Variants in RGS21 observed in about 807,000 individuals in gnomAD.
RGS21 encodes the protein regulator of G-protein signalling 21.
In RGS21, 19 loss-of-function variants were observed where a neutral mutation model predicts 18.7. The observed-to-expected ratio is 1.01, with a 90% CI of 0.71 to 1.49. The LOEUF is 1.49. Among genes scored for constraint, RGS21 ranks in the 40% most tolerant of loss-of-function variants. RGS21 has a pLI of 0.00. For missense variants in RGS21, 194 were observed against 176.8 expected (o/e 1.10, Z -0.55); for synonymous variants, 56 against 57.8 (o/e 0.97, Z 0.14).
At chr1:192,324,469 A>G (rs1571448052) in intron 1 of RGS21, among the ~76,000 whole-genome samples, 1 of 152,086 alleles carries the variant, frequency 6.6e-6, no homozygotes, top group Admixed American at 6.6e-5. Context: ...CAAGCATATG[A>G]CTTCTTGTTC....
intron 1 of RGS21, among the ~76,000 whole-genome samples, chr1:192,320,809 A>G (rs570455828): frequency 2.8e-4 from 43 of 152,170 alleles, no homozygotes; most frequent in Admixed American, 7.2e-4. Context: ...AAATATTTTT[A>G]TATTTTTTCA....
Position 192,356,137 on chromosome 1 carries a change from A to G in RGS21, c.255+3924A>G, listed in dbSNP as rs112030208. Among the ~76,000 whole-genome samples, 75 of 151,952 alleles carry G rather than the reference A, an allele frequency of 4.9e-4. 2 individuals are homozygous for G. The highest frequency in any genetic ancestry group is 1.8e-3 in the African/African-American group (73 of 41,544). Reference sequence around the variant, plus strand: ...AAATTATAGTCATAAACGAGAGTACATCTTCACGGGTCCGTGCAGGACATT... The same window carrying G: ...AAATTATAGTCATAAACGAGAGTACGTCTTCACGGGTCCGTGCAGGACATT... On this transcript the variant is annotated intron_variant, in intron 4 of 4. Transcript: ENST00000417209.
At chr1:192,356,994 T>C (rs1476799363) in intron 4 of RGS21, among the ~76,000 whole-genome samples, 2 of 151,796 alleles carry the variant, frequency 1.3e-5, no homozygotes, top group Admixed American at 1.3e-4. Flanking sequence ...TCATGGTCCC[T>C]GAGTAGATCC....
chr1:192,354,639 AATGAGATTTAT>A lies in RGS21; in HGVS notation c.255+2432_255+2442del, dbSNP rs1659087915. Among the ~76,000 whole-genome samples the A allele has an allele frequency of 2.6e-5, 4 of 151,824 alleles. No individual in the cohort carries two copies. The South Asian group carries it at 8.3e-4, about 31-fold the overall frequency. On this transcript the variant is annotated intron_variant, in intron 4 of 4. Coordinates refer to ENST00000417209, the MANE Select transcript of RGS21 (RefSeq NM_001039152.3). ...TGCACAAGTGGAAAATTAAATCAAG[AATGAGATTTAT>A]ATGAGGATATTCTCAGTTTTTCTAT...
intron 4 of RGS21, among the ~76,000 whole-genome samples, chr1:192,362,513 T>C (rs972092676): frequency 6.6e-6 from 1 of 152,208 alleles, no homozygotes; most frequent in African/African-American, 2.4e-5. Context: ...TTCCTATGTT[T>C]CTAGCTTGAA....
At chr1:192,318,110 G>A (rs560862867) in intron 1 of RGS21, among the ~76,000 whole-genome samples, 10 of 151,810 alleles carry the variant, frequency 6.6e-5, no homozygotes, top group South Asian at 2.1e-4. Context: ...TATATTCATC[G>A]TATAATTGCC....
rs1403755057 is a variant in RGS21 at position 192,359,094 on chromosome 1, C to G, written c.256-6827C>G. 3.3e-5 allele frequency among the ~76,000 whole-genome samples: 5 copies of G among 152,060 alleles called. No individual in the cohort carries two copies. The East Asian group carries it at 9.7e-4, about 29-fold the overall frequency. ...AACCACAATCCTGTGTCTTGTTTTC[C>G]AAGATTGGCAGTGTAGTGGTTTCAG... On this transcript the variant is annotated intron_variant, in intron 4 of 4. Transcript: ENST00000417209.
chr1:192,367,049 C>T lies in RGS21; in HGVS notation c.*925C>T, dbSNP rs578091090. ...ATATGTAAATATCCTGTGATAAATA[C>T]GAATAATTTCATTTCAATATGAGAA... On this transcript the variant is annotated 3_prime_UTR_variant, in exon 5 of 5. Coordinates refer to ENST00000417209, the MANE Select transcript of RGS21 (RefSeq NM_001039152.3). 16 of 152,050 alleles carry T rather than the reference C, an allele frequency of 1.1e-4. No homozygotes were observed. The highest frequency in any genetic ancestry group is 1.9e-4 in the Non-Finnish European group (13 of 67,930). The allele number at this position is 152,050 out of a possible 1,614,324, so 9.4% of individuals were successfully genotyped here.
chr1:192,322,564 A>T (rs973306999), intron 1 of RGS21, among the ~76,000 whole-genome samples: 2 of 152,036 alleles, frequency 1.3e-5, no homozygotes, highest in Non-Finnish European at 1.5e-5. Flanking sequence ...GTGTTCTAAC[A>T]ATCCCCTTAA....
At chr1:192,319,888 G>A (rs1658471786) in intron 1 of RGS21, among the ~76,000 whole-genome samples, 1 of 152,036 alleles carries the variant, frequency 6.6e-6, no homozygotes, top group African/African-American at 2.4e-5. Flanking sequence ...CCATGCCTCT[G>A]TTTCTTCATC....
At chr1:192,328,116 G>A (rs150505699) in intron 1 of RGS21, among the ~76,000 whole-genome samples, 3 of 152,166 alleles carry the variant, frequency 2.0e-5, no homozygotes, top group Non-Finnish European at 4.4e-5. Flanking sequence ...AAAAAAGAAG[G>A]CATACAGGGC....
At chr1:192,339,934 A>G (rs964288217) in intron 1 of RGS21, among the ~76,000 whole-genome samples, 10 of 151,956 alleles carry the variant, frequency 6.6e-5, no homozygotes, top group Non-Finnish European at 1.2e-4. Context: ...TGTAATTGAC[A>G]AATAAAACAT....
intron 3 of RGS21, among the ~76,000 whole-genome samples, chr1:192,351,823 ATG>A (rs1290882683): frequency 6.7e-6 from 1 of 148,184 alleles, no homozygotes; most frequent in Non-Finnish European, 1.5e-5. Flanking sequence ...TGTGCTATAT[ATG>A]TGTTATATAT....
Position 192,360,281 on chromosome 1 carries a change from A to G in RGS21, c.256-5640A>G, listed in dbSNP as rs1659170057. ...TATTCTGGCTAAATAATTTGTAGTC[A>G]TCTCTTGGTTCTTCTCTTTCTCATA... On this transcript the variant is annotated intron_variant, in intron 4 of 4. Transcript: ENST00000417209. Among the ~76,000 whole-genome samples, 3 of 152,024 alleles carry G rather than the reference A, an allele frequency of 2.0e-5. No individual in the cohort carries two copies. The South Asian group carries it at 6.2e-4, about 31-fold the overall frequency.
At chr1:192,333,889 G>T (rs1320560506) in intron 1 of RGS21, among the ~76,000 whole-genome samples, 1 of 152,100 alleles carries the variant, frequency 6.6e-6, no homozygotes, top group Non-Finnish European at 1.5e-5. Context: ...CAACCACTGG[G>T]ATAGACTGTG....
At position 192,366,361 on chromosome 1, in the gene RGS21, A is replaced by G. The variant is rs899672438; in HGVS notation, c.*237A>G. The G allele has an allele frequency of 2.6e-6, 1 of 390,150 alleles. No individual in the cohort carries two copies. The allele number at this position is 390,150 out of a possible 1,614,324, so 24.2% of individuals were successfully genotyped here. A position where few individuals can be genotyped will look rare whatever the true frequency, so the allele number is the denominator to read the frequency against. On this transcript the variant is annotated 3_prime_UTR_variant, in exon 5 of 5. Coordinates refer to ENST00000417209, the MANE Select transcript of RGS21 (RefSeq NM_001039152.3). ...GTACAAAGAAAGTTTATAGAGATAC[A>G]ATATAGTCTTAAACCAAAACTGAAT...
chr1:192,319,749 T>A (rs998845102), intron 1 of RGS21, among the ~76,000 whole-genome samples: 13 of 152,132 alleles, frequency 8.5e-5, no homozygotes, highest in African/African-American at 3.1e-4. Flanking sequence ...TTTTTTGACA[T>A]AGAACTTCTG....
chr1:192,328,836 A>G (rs1193292703), intron 1 of RGS21, among the ~76,000 whole-genome samples: 1 of 152,162 alleles, frequency 6.6e-6, no homozygotes, highest in Non-Finnish European at 1.5e-5. Context: ...AAAGAAATCA[A>G]CAAATAATTT....
intron 4 of RGS21, among the ~76,000 whole-genome samples, chr1:192,365,292 G>A (rs1411746143): frequency 6.6e-6 from 1 of 152,062 alleles, no homozygotes; most frequent in Non-Finnish European, 1.5e-5. Context: ...CATATTTGCA[G>A]GTGAATGGTG....
Sources: allele counts gnomAD v4.1 joint callset (sites outside exome capture counted in the v4.1 genomes callset), GRCh38; gene constraint gnomAD v4.1.1; transcripts MANE v1.5; gene names NCBI Gene and HGNC (gene_info 2026-07-23, HGNC 2026-07-21).